The following SACS variants were observed in gnomAD, a reference collection of about 807,000 sequenced individuals.
SACS encodes the protein sacsin.
In SACS, 197 loss-of-function variants were observed where a neutral mutation model predicts 348.0. That is an observed-to-expected ratio of 0.57 (90% CI 0.50 to 0.64). SACS has a LOEUF of 0.64. SACS is among the 30% of genes least tolerant of loss of function. The pLI is 0.00. For missense variants in SACS, 4,999 were observed against 5,360.8 expected (o/e 0.93, Z 2.11); for synonymous variants, 1,985 against 1,910.6 (o/e 1.04, Z -1.02).
At chr13:23,432,665 TTTA>T (rs139886400) in intron 1 of SACS, among the ~76,000 whole-genome samples, 11 of 152,070 alleles carry the variant, frequency 7.2e-5, no homozygotes, top group East Asian at 5.8e-4. Context: ...TTGTCAATTA[TTTA>T]TTATTATTAT....
In SACS at chr13:23,331,334, T is replaced by C; in HGVS notation, c.12542A>G (p.Tyr4181Cys). 1 of 1,614,018 alleles carries C rather than the reference T, an allele frequency of 6.2e-7. No homozygotes were observed. Among genetic ancestry groups the C allele is most frequent in the Non-Finnish European group, 8.5e-7 (1 of 1,179,952 alleles). Residue 4181 changes from tyrosine (Y) to cysteine (C), a missense_variant, in exon 10 of 10, where the codon TAT becomes TGT. This residue lies in a region of SACS where 831 missense variants were observed against 941.8 expected (regional missense o/e 0.88). Transcript: ENST00000382292. ...DPMNVFYPGE[Y>C]VGYLVDAEGG... Reference sequence around the variant, plus strand: ...TTCAGCATCAACAAGGTACCCAACATATTCTCCCGGGTAAAAAACATTCAT... The same window carrying C: ...TTCAGCATCAACAAGGTACCCAACACATTCTCCCGGGTAAAAAACATTCAT...
In SACS at chr13:23,338,569, A is replaced by G. The variant is rs145747008; in HGVS notation, c.5307T>C (p.His1769=). 4.6e-4 allele frequency: 745 copies of G among 1,614,070 alleles called. 3 individuals carry two copies. In the African/African-American group the frequency reaches 8.7e-3, roughly 19 times the overall value. ...GTAAATCAGCAATCCTTCTGAACACATGGTGAAATTCTTCCACTGTGATCT... is the reference window on the plus strand; with the variant it reads ...GTAAATCAGCAATCCTTCTGAACACGTGGTGAAATTCTTCCACTGTGATCT... The part of the protein sequence containing the change: ...ILQITVEEFH[H]VFRRIADLQS... Residue 1769 remains histidine (H), a synonymous_variant, in exon 10 of 10, where the codon CAT becomes CAC. Transcript: ENST00000382292.
At position 23,338,370 on chromosome 13, in the gene SACS, C is replaced by A. The variant is rs759852681; in HGVS notation, c.5506G>T (p.Glu1836Ter). Residue 1836 changes from glutamate (E) to a stop codon, truncating the protein, a stop_gained, in exon 10 of 10, where the codon GAG (glutamate) becomes TAG (stop). Coordinates refer to ENST00000382292, the MANE Select transcript of SACS (RefSeq NM_014363.6). LOFTEE classifies it high-confidence loss of function. The stretch of plus-strand genomic sequence containing the variant: ...ACCAGTCCTAGTCTTCTTCCACTCT[C>A]ACTCAGGGAAAACTTCAGAGCCTCT... Reference protein sequence around the residue: ...TGEALKFSLSESGRRLGLVPC... With the variant: ...TGEALKFSLS 6.2e-7 allele frequency: 1 copy of A among 1,614,166 alleles called. No individual in the cohort carries two copies. Among genetic ancestry groups the A allele is most frequent in the Non-Finnish European group, 8.5e-7 (1 of 1,180,006 alleles).
intron 6 of SACS, among the ~76,000 whole-genome samples, chr13:23,362,997 C>T (rs1015495482): frequency 4.6e-5 from 7 of 151,704 alleles, no homozygotes; most frequent in Non-Finnish European, 8.8e-5. Flanking sequence ...GCAACCTCTG[C>T]CTCCCGGGTT....
chr13:23,344,334 ATACC>A (rs1223963544), intron 9 of SACS, among the ~76,000 whole-genome samples: 4 of 152,236 alleles, frequency 2.6e-5, no homozygotes, highest in Non-Finnish European at 5.9e-5. Context: ...TATAAAACGT[ATACC>A]TACCTTCAGG....
intron 9 of SACS, among the ~76,000 whole-genome samples, chr13:23,353,251 ATTTG>A (rs1261945361): frequency 6.6e-6 from 1 of 152,108 alleles, no homozygotes; most frequent in Non-Finnish European, 1.5e-5. Context: ...AGTTAATTGG[ATTTG>A]TCCACACTTC....
At chr13:23,366,633 CTATT>C (rs981025573) in intron 5 of SACS, among the ~76,000 whole-genome samples, 32 of 152,120 alleles carry the variant, frequency 2.1e-4, no homozygotes, top group African/African-American at 6.5e-4. Flanking sequence ...ATTCAGGTAT[CTATT>C]TATTATTTAT....
intron 9 of SACS, among the ~76,000 whole-genome samples, chr13:23,345,227 G>A (rs548701221): frequency 6.6e-6 from 1 of 152,298 alleles, no homozygotes; most frequent in East Asian, 1.9e-4. Context: ...CTTTGTAAAT[G>A]TACAGTCAAG....
chr13:23,418,647 A>G (rs1479742163), intron 1 of SACS, among the ~76,000 whole-genome samples: 1 of 152,112 alleles, frequency 6.6e-6, no homozygotes, highest in Non-Finnish European at 1.5e-5. Flanking sequence ...TTGGGCTTAC[A>G]GGCACCTGCC....
intron 6 of SACS, among the ~76,000 whole-genome samples, chr13:23,363,172 G>C (rs1033058130): frequency 6.6e-6 from 1 of 150,942 alleles, no homozygotes; most frequent in African/African-American, 2.4e-5. Context: ...GCCTCCCAAA[G>C]TGCTGGGATT....
At chr13:23,413,382 C>T (rs1171547461) in intron 1 of SACS, among the ~76,000 whole-genome samples, 1 of 152,216 alleles carries the variant, frequency 6.6e-6, no homozygotes, top group African/African-American at 2.4e-5. Flanking sequence ...TTCTCTTAGA[C>T]ATTATCATAC....
chr13:23,409,866 T>C (rs891749400), intron 2 of SACS, among the ~76,000 whole-genome samples: 2 of 152,210 alleles, frequency 1.3e-5, no homozygotes, highest in Non-Finnish European at 2.9e-5. Context: ...GCATTTTGAA[T>C]ACAAAGACAG....
rs1593185574 is a variant in SACS, at chr13:23,425,744, T to G, written c.-502+7871A>C. Among the ~76,000 whole-genome samples the G allele has an allele frequency of 2.6e-5, 4 of 152,080 alleles. No homozygotes were observed. The East Asian group carries it at 7.7e-4, about 29-fold the overall frequency. On this transcript the variant is annotated intron_variant, in intron 1 of 9. Coordinates refer to ENST00000382292, the MANE Select transcript of SACS (RefSeq NM_014363.6). ...GACTGCTCTGCTCAGGGTGTGAAGA[T>G]CTCAGGTGGGTGCTGGACTTGGGGC...
At chr13:23,346,668 C>CT (rs1040365652) in intron 9 of SACS, 2 of 168,824 alleles carry the variant, frequency 1.2e-5, no homozygotes, top group African/African-American at 4.8e-5. Flanking sequence ...TTCCTCTCTC[C>CT]TTTAATATTA....
chr13:23,343,471 G>A (rs913963492), intron 9 of SACS, among the ~76,000 whole-genome samples: 3 of 152,190 alleles, frequency 2.0e-5, no homozygotes, highest in East Asian at 1.9e-4. Flanking sequence ...TGGAACACGA[G>A]GTCAGGAGTT....
At chr13:23,378,096 A>G (rs951273473) in intron 2 of SACS, among the ~76,000 whole-genome samples, 6 of 152,218 alleles carry the variant, frequency 3.9e-5, no homozygotes, top group African/African-American at 1.2e-4. Context: ...CCTTCCAAAG[A>G]GGGCATTACA....
At position 23,340,166 on chromosome 13, in the gene SACS, G is replaced by C; in HGVS notation, c.3710C>G (p.Ser1237Ter). The C allele has an allele frequency of 6.2e-7, 1 of 1,613,122 alleles. No homozygotes were observed. The highest frequency in any genetic ancestry group is 8.5e-7 in the Non-Finnish European group (1 of 1,179,568). ...GTAGTCTTCATCACTAAAGGTTTTT[G>C]AAGAATACCAATCAACAACAATTTT... Reference protein sequence around the residue: ...HFKIVVDWYSSKTFSDEDYYQ... With the variant: ...HFKIVVDWYS The change falls in exon 10 of 10, where the codon TCA (serine) becomes TGA (stop). Residue 1237 changes from serine to a stop codon, truncating the protein, a stop_gained. Coordinates refer to ENST00000382292, the MANE Select transcript of SACS (RefSeq NM_014363.6). LOFTEE classifies it high-confidence loss of function.
chr13:23,332,506 C>A lies in SACS; in HGVS notation c.11370G>T (p.Gln3790His). 6.2e-7 allele frequency: 1 copy of A among 1,613,984 alleles called. No individual in the cohort carries two copies. The highest frequency in any genetic ancestry group is 8.5e-7 in the Non-Finnish European group (1 of 1,179,898). ...CCATCACAAAAGCAACCCCTCGCAA[C>A]TGAAAACGAAATTCCCTTTTTTCTG... ...LSAEKREFRF[Q>H]LRGVAFVMVE... is the part of the protein sequence containing the mutation. The change falls in exon 10 of 10, where the codon CAG becomes CAT. Residue 3790 changes from glutamine (Q) to histidine (H), a missense_variant. Physicochemically the swap from Gln to His is conservative, Grantham distance 24. Transcript: ENST00000382292.
intron 2 of SACS, among the ~76,000 whole-genome samples, chr13:23,386,940 C>T (rs1005000781): frequency 2.6e-5 from 4 of 152,132 alleles, no homozygotes; most frequent in African/African-American, 9.7e-5. Flanking sequence ...AGTTTACTGT[C>T]TTATTTGGGC....
Sources: allele counts gnomAD v4.1 joint callset (sites outside exome capture counted in the v4.1 genomes callset), GRCh38; gene constraint gnomAD v4.1.1; regional missense constraint gnomAD v4.1.1; transcripts MANE v1.5; gene names NCBI Gene and HGNC (gene_info 2026-07-23, HGNC 2026-07-21).